KIAA1217: variants seen among roughly 807,000 people sequenced by gnomAD.
KIAA1217 encodes the protein sickle tail protein homolog.
KIAA1217 carries 88 observed loss-of-function variants against 163.9 expected under a neutral mutation model. The observed-to-expected ratio is 0.54, with a 90% CI of 0.45 to 0.64. The LOEUF is 0.64. KIAA1217 is among the 30% of genes least tolerant of loss of function. KIAA1217 has a pLI of 0.00. For missense variants in KIAA1217, 2,372 were observed against 2,475.0 expected (o/e 0.96, Z 0.88); for synonymous variants, 903 against 923.1 (o/e 0.98, Z 0.39).
rs1163227493 is a variant in KIAA1217, at chr10:24,520,679, C to CAA, written c.2308+427_2308+428insAA. Among the ~76,000 whole-genome samples the CAA allele has an allele frequency of 3.1e-3, 278 of 89,012 alleles. 3 individuals are homozygous for CAA. The highest frequency in any genetic ancestry group is 0.013 in the African/African-American group (268 of 20,138). The allele number at this position is 89,012 out of a possible 152,430, so 58.4% of individuals were successfully genotyped here. ...ATATATATATATATATATATATACA[C>CAA]ACACACACAAAAAAAAATTAGCCAG... On this transcript the variant is annotated intron_variant, in intron 11 of 20. Transcript: ENST00000376454.
intron 10 of KIAA1217, among the ~76,000 whole-genome samples, chr10:24,519,320 T>G (rs541087648): frequency 1.3e-5 from 2 of 152,326 alleles, no homozygotes; most frequent in Admixed American, 1.3e-4. Flanking sequence ...GGGTGAGACC[T>G]CGTCTCCGAT....
At chr10:24,099,618 C>T (rs539125725) in intron 2 of KIAA1217, among the ~76,000 whole-genome samples, 1 of 146,356 alleles carries the variant, frequency 6.8e-6, no homozygotes, top group Non-Finnish European at 1.5e-5. Context: ...ACTTTAAGTT[C>T]TAGGGTACAT....
Position 24,545,644 on chromosome 10 carries a change from A to G in KIAA1217, c.5335-183A>G, listed in dbSNP as rs2075658760. On this transcript the variant is annotated intron_variant, in intron 20 of 20. Coordinates refer to ENST00000376454, the MANE Select transcript of KIAA1217 (RefSeq NM_019590.5). ...CCTCCTTTCCCGTCCATCCTTTGCTATGTACATGGGGGGTTTCTACCAGGT... is the reference window on the plus strand; with the variant it reads ...CCTCCTTTCCCGTCCATCCTTTGCTGTGTACATGGGGGGTTTCTACCAGGT... The G allele has an allele frequency of 7.1e-6, 10 of 1,398,764 alleles. No homozygotes were observed. The East Asian group carries it at 2.4e-4, about 33-fold the overall frequency. 86.6% of individuals were successfully genotyped at this position (1,398,764 alleles called of 1,614,324 possible).
At chr10:24,061,540 G>A (rs544698236) in intron 2 of KIAA1217, among the ~76,000 whole-genome samples, 1 of 152,222 alleles carries the variant, frequency 6.6e-6, no homozygotes, top group East Asian at 1.9e-4. Context: ...GTTATAAGTT[G>A]GAGAACTCTT....
At chr10:23,736,545 T>TG (rs1367651131) in intron 1 of KIAA1217, among the ~76,000 whole-genome samples, 3 of 152,176 alleles carry the variant, frequency 2.0e-5, no homozygotes, top group Non-Finnish European at 4.4e-5. Flanking sequence ...ATTTTAGAGA[T>TG]GGGGTCTCGC....
At chr10:24,206,114 T>G (rs972611994), upstream of KIAA1217, among the ~76,000 whole-genome samples, 1 of 152,206 alleles carries the variant, frequency 6.6e-6, no homozygotes, top group Non-Finnish European at 1.5e-5. Context: ...GAAATAGTCT[T>G]GCACCTTTCC....
intron 1 of KIAA1217, among the ~76,000 whole-genome samples, chr10:23,743,234 T>C (rs184484534): frequency 2.8e-5 from 4 of 142,094 alleles, no homozygotes; most frequent in Non-Finnish European, 6.1e-5. Flanking sequence ...AGGTGACAGA[T>C]GAACTTTGAA....
At chr10:24,352,165 G>T (rs1221631678) in intron 2 of KIAA1217, among the ~76,000 whole-genome samples, 1 of 152,186 alleles carries the variant, frequency 6.6e-6, no homozygotes, top group East Asian at 1.9e-4. Flanking sequence ...GTGGAAAAGA[G>T]GTCAGCAAAT....
At chr10:24,169,956 A>G (rs1450938242) in intron 2 of KIAA1217, among the ~76,000 whole-genome samples, 4 of 152,244 alleles carry the variant, frequency 2.6e-5, no homozygotes, top group South Asian at 4.1e-4. Context: ...TTAGTATTCA[A>G]AAAGCTTTAA....
chr10:24,364,268 C>T (rs1405311517), intron 2 of KIAA1217, among the ~76,000 whole-genome samples: 17 of 152,138 alleles, frequency 1.1e-4, no homozygotes, highest in Admixed American at 7.2e-4. Flanking sequence ...CGTGAGCCAC[C>T]GCACCCAGCC....
At chr10:24,545,187 T>C in intron 20 of KIAA1217, 84 bp downstream of exon 20, 1 of 1,570,264 alleles carries the variant, frequency 6.4e-7, no homozygotes, top group South Asian at 1.2e-5. Flanking sequence ...AATATTGTGC[T>C]TTCTTTGTAA....
intron 1 of KIAA1217, among the ~76,000 whole-genome samples, chr10:23,756,348 A>G (rs1051947559): frequency 6.6e-6 from 1 of 152,192 alleles, no homozygotes; most frequent in Non-Finnish European, 1.5e-5. Flanking sequence ...TTAATATTTT[A>G]AAAAACAACA....
intron 2 of KIAA1217, among the ~76,000 whole-genome samples, chr10:24,298,882 G>T (rs1356834285): frequency 6.6e-6 from 1 of 152,120 alleles, no homozygotes; most frequent in Non-Finnish European, 1.5e-5. Context: ...ATCTTGGAGG[G>T]AATTCATGTA....
At chr10:24,082,938 C>G (rs1485769332) in intron 2 of KIAA1217, among the ~76,000 whole-genome samples, 2 of 152,288 alleles carry the variant, frequency 1.3e-5, no homozygotes, top group East Asian at 3.9e-4. Flanking sequence ...AATGGCTTTT[C>G]TGACTGGTGT....
intron 1 of KIAA1217, among the ~76,000 whole-genome samples, chr10:23,999,134 A>T (rs951029836): frequency 6.6e-6 from 1 of 152,228 alleles, no homozygotes; most frequent in Non-Finnish European, 1.5e-5. Flanking sequence ...GCCTTTTAAA[A>T]TCAGAATACA....
intron 1 of KIAA1217, among the ~76,000 whole-genome samples, chr10:23,896,176 G>A (rs971919491): frequency 2.0e-5 from 3 of 151,576 alleles, no homozygotes; most frequent in Admixed American, 2.0e-4. Flanking sequence ...AAAAGTAGAA[G>A]AATAATCAAA....
At chr10:23,898,706 T>C (rs1321772706) in intron 1 of KIAA1217, among the ~76,000 whole-genome samples, 1 of 152,068 alleles carries the variant, frequency 6.6e-6, no homozygotes, top group Non-Finnish European at 1.5e-5. Flanking sequence ...TTTTTTACTG[T>C]ACAAAACTGA....
intron 8 of KIAA1217, among the ~76,000 whole-genome samples, chr10:24,497,924 C>G (rs958086579): frequency 6.6e-6 from 1 of 151,988 alleles, no homozygotes; most frequent in Non-Finnish European, 1.5e-5. Context: ...TCCGACTTCT[C>G]CACTATACAA....
intron 1 of KIAA1217, among the ~76,000 whole-genome samples, chr10:23,877,667 G>A (rs934197025): frequency 6.6e-6 from 1 of 151,926 alleles, no homozygotes; most frequent in Admixed American, 6.6e-5. Context: ...TTTAAAAATC[G>A]GGAAGCCAAT....
Sources: allele counts gnomAD v4.1 joint callset (sites outside exome capture counted in the v4.1 genomes callset), GRCh38; gene constraint gnomAD v4.1.1; transcripts MANE v1.5; gene names NCBI Gene and HGNC (gene_info 2026-07-23, HGNC 2026-07-21).